SIPA1L1: variants seen among roughly 807,000 people sequenced by gnomAD.
The protein encoded by SIPA1L1 is signal-induced proliferation-associated 1-like protein 1.
Under a neutral mutation model 162.7 loss-of-function variants are expected in SIPA1L1, and 26 were observed. The observed-to-expected ratio is 0.16, with a 90% CI of 0.12 to 0.22. The LOEUF (loss-of-function observed/expected upper bound fraction) is 0.22, where lower values mean the gene tolerates loss of function less well. SIPA1L1 is among the 10% of genes least tolerant of loss of function. The pLI is 1.00. For synonymous variants in SIPA1L1, 829 were observed against 837.4 expected (o/e 0.99, Z 0.17); for missense variants, 1,874 against 2,241.0 (o/e 0.84, Z 3.31).
At chr14:71,483,881 C>T (rs1458424848) in intron 2 of SIPA1L1, among the ~76,000 whole-genome samples, 9 of 152,156 alleles carry the variant, frequency 5.9e-5, no homozygotes, top group Admixed American at 3.9e-4. Context: ...TCTCTGTCAC[C>T]GGTAAGGTTT....
At chr14:71,421,447 A>G (rs1223049691) in intron 2 of SIPA1L1, among the ~76,000 whole-genome samples, 2 of 151,960 alleles carry the variant, frequency 1.3e-5, no homozygotes, top group Admixed American at 1.3e-4. Context: ...GAGAAAAAAA[A>G]AGGTAGGCAG....
intron 4 of SIPA1L1, among the ~76,000 whole-genome samples, chr14:71,566,426 G>A (rs1371636999): frequency 2.6e-5 from 4 of 152,202 alleles, no homozygotes; most frequent in Admixed American, 2.6e-4. Context: ...ACTTGACAGA[G>A]TGATTCTAAA....
intron 17 of SIPA1L1, among the ~76,000 whole-genome samples, chr14:71,715,636 T>C (rs1477290975): frequency 6.6e-6 from 1 of 152,224 alleles, no homozygotes; most frequent in East Asian, 1.9e-4. Flanking sequence ...TTATCAAATG[T>C]ATTGCAAACT....
At chr14:71,411,154 G>A (rs2042376982) in intron 2 of SIPA1L1, among the ~76,000 whole-genome samples, 1 of 151,924 alleles carries the variant, frequency 6.6e-6, no homozygotes, top group Admixed American at 6.5e-5. Flanking sequence ...TACAGTGTAG[G>A]TGGCCTTCTC....
At position 71,544,317 on chromosome 14, in the gene SIPA1L1, T is replaced by C. The variant is rs570756272; in HGVS notation, c.-303+14947T>C. Among the ~76,000 whole-genome samples, 14 of 151,722 alleles carry C rather than the reference T, an allele frequency of 9.2e-5. No homozygotes were observed. The South Asian group carries it at 1.2e-3, about 13-fold the overall frequency. On this transcript the variant is annotated intron_variant, in intron 4 of 23. Transcript: ENST00000381232. ...TATATATCATGTGTGTATATACATA[T>C]ATGTATATACATATATCATGTGTGT...
intron 3 of SIPA1L1, among the ~76,000 whole-genome samples, chr14:71,515,252 G>A (rs2051591595): frequency 6.6e-6 from 1 of 152,218 alleles, no homozygotes; most frequent in Non-Finnish European, 1.5e-5. Flanking sequence ...AGGAGAGAAT[G>A]GAGAATTCGT....
At chr14:71,680,291 T>C (rs2045668574) in intron 12 of SIPA1L1, among the ~76,000 whole-genome samples, 1 of 152,150 alleles carries the variant, frequency 6.6e-6, no homozygotes, top group Admixed American at 6.5e-5. Context: ...ACAGCTCAAC[T>C]ACATGGAAAC....
At chr14:71,698,255 A>G (rs576490754) in intron 13 of SIPA1L1, among the ~76,000 whole-genome samples, 2 of 152,326 alleles carry the variant, frequency 1.3e-5, no homozygotes, top group East Asian at 3.9e-4. Context: ...GTAGAGGGTA[A>G]AAAACATGTC....
chr14:71,689,620 A>T (rs973903766), intron 13 of SIPA1L1, among the ~76,000 whole-genome samples: 10 of 152,244 alleles, frequency 6.6e-5, no homozygotes, highest in African/African-American at 2.4e-4. Flanking sequence ...AACAACAGAC[A>T]TCTTAGCATG....
At chr14:71,525,189 CTT>C (rs111372962) in intron 3 of SIPA1L1, among the ~76,000 whole-genome samples, 18 of 142,668 alleles carry the variant, frequency 1.3e-4, no homozygotes, top group African/African-American at 4.1e-4. Context: ...GCCCAACTGA[CTT>C]TTTTTTTTTT....
intron 2 of SIPA1L1, among the ~76,000 whole-genome samples, chr14:71,436,851 A>G (rs760099878): frequency 2.1e-5 from 3 of 144,484 alleles, no homozygotes; most frequent in East Asian, 2.1e-4. Flanking sequence ...TGCAACCTCT[A>G]TCGCCCGGGT....
chr14:71,442,885 A>C (rs114813789), intron 2 of SIPA1L1, among the ~76,000 whole-genome samples: 3,270 of 152,312 alleles, frequency 0.021, 120 homozygotes, highest in African/African-American at 0.074. Context: ...GCAGTGAGCT[A>C]TAATTATGCC....
At chr14:71,734,028 C>T (rs188400020) in intron 21 of SIPA1L1, among the ~76,000 whole-genome samples, 81 of 152,356 alleles carry the variant, frequency 5.3e-4, no homozygotes, top group African/African-American at 1.8e-3. Context: ...CCACAGGATT[C>T]ATAACATGAA....
At chr14:71,485,511 C>G (rs180714770) in intron 2 of SIPA1L1, among the ~76,000 whole-genome samples, 1 of 151,804 alleles carries the variant, frequency 6.6e-6, no homozygotes, top group South Asian at 2.1e-4. Flanking sequence ...ATCTAGGTTA[C>G]GTGCTCCTTA....
intron 23 of SIPA1L1, 140 bp downstream of exon 23, chr14:71,738,465 C>T: frequency 1.8e-6 from 1 of 567,918 alleles, no homozygotes; most frequent in Non-Finnish European, 3.1e-6. Flanking sequence ...GCAGGGATTT[C>T]AGTTGCCACT....
At chr14:71,623,408 G>A (rs903369636) in intron 6 of SIPA1L1, among the ~76,000 whole-genome samples, 7 of 152,172 alleles carry the variant, frequency 4.6e-5, no homozygotes, top group African/African-American at 1.2e-4. Flanking sequence ...ACATCATTAC[G>A]TAGGAAAATG....
chr14:71,586,488 A>T (rs1448849861), intron 4 of SIPA1L1: 1 of 152,268 alleles, frequency 6.6e-6, no homozygotes, highest in Non-Finnish European at 1.5e-5. Context: ...CTGGTTCAGC[A>T]GCATCTTTCC....
intron 5 of SIPA1L1, among the ~76,000 whole-genome samples, chr14:71,597,745 T>G (rs1444513909): frequency 3.9e-5 from 6 of 152,192 alleles, no homozygotes; most frequent in Non-Finnish European, 8.8e-5. Flanking sequence ...CTTTCCTCTC[T>G]TGCCTACCTG....
At chr14:71,643,090 A>G (rs1169394544) in intron 7 of SIPA1L1, among the ~76,000 whole-genome samples, 8 of 152,202 alleles carry the variant, frequency 5.3e-5, no homozygotes, top group Admixed American at 5.2e-4. Flanking sequence ...TTGAGGAAAT[A>G]GTTCCAGATT....
Sources: allele counts gnomAD v4.1 joint callset (sites outside exome capture counted in the v4.1 genomes callset), GRCh38; gene constraint gnomAD v4.1.1; transcripts MANE v1.5; gene names NCBI Gene and HGNC (gene_info 2026-07-23, HGNC 2026-07-21).